Variants in ART3 observed in about 807,000 individuals in gnomAD.
ART3 encodes ADP-ribosyltransferase 3 (inactive).
Under a neutral mutation model 48.5 loss-of-function variants are expected in ART3, and 49 were observed. The ratio of observed to expected loss-of-function variants is 1.01; its 90% CI spans 0.80 to 1.28. The LOEUF (loss-of-function observed/expected upper bound fraction) is 1.28. Ranked by LOEUF, ART3 falls within the 50% of genes most tolerant of loss-of-function variation. The pLI is 0.00. For synonymous variants in ART3, 145 were observed against 157.2 expected, an observed-to-expected ratio of 0.92 and a Z score of 0.58; for missense variants, 438 against 454.3, an observed-to-expected ratio of 0.96 and a Z score of 0.33.
intron 3 of ART3, among the ~76,000 whole-genome samples, chr4:76,096,854 T>A (rs1726124187): frequency 6.6e-6 from 1 of 152,204 alleles, no homozygotes; most frequent in Non-Finnish European, 1.5e-5. Context: ...TTTATATGAA[T>A]GTGAAGGATC....
At chr4:76,050,298 G>T (rs1387388521) in intron 1 of ART3, among the ~76,000 whole-genome samples, 1 of 152,076 alleles carries the variant, frequency 6.6e-6, no homozygotes, top group Non-Finnish European at 1.5e-5. Context: ...TTTTGACAGG[G>T]CGCTGATAGG....
chr4:76,082,334 G>A lies in ART3; in HGVS notation c.580G>A (p.Ala194Thr). ...TLAYSAKPQAANDQLTVLSIY... is the reference protein window; with the variant it reads ...TLAYSAKPQATNDQLTVLSIY... ...GGCATATTCAGCCAAACCTCAGGCTGCTAATGACCAGCTCACTGTGTTATC... is the reference window on the plus strand; with the variant it reads ...GGCATATTCAGCCAAACCTCAGGCTACTAATGACCAGCTCACTGTGTTATC... Residue 194 changes from alanine to threonine, a missense_variant, in exon 3 of 12, where the codon GCT becomes ACT. Transcript: ENST00000355810. The A allele has an allele frequency of 1.9e-6, 3 of 1,613,986 alleles. No individual in the cohort carries two copies. The South Asian group carries it at 3.3e-5, about 18-fold the overall frequency.
chr4:76,032,944 T>A (rs1160243852), intron 1 of ART3, among the ~76,000 whole-genome samples: 3 of 151,946 alleles, frequency 2.0e-5, no homozygotes, highest in African/African-American at 2.4e-5. Flanking sequence ...TCTATATAGA[T>A]ATTTATATAG....
At chr4:76,072,494 C>T (rs1056755188), upstream of ART3, among the ~76,000 whole-genome samples, 3 of 152,000 alleles carry the variant, frequency 2.0e-5, no homozygotes, top group Admixed American at 1.3e-4. Context: ...CTTCTCATTA[C>T]GTTTAATGCT....
chr4:76,026,245 G>GTCT, intron 1 of ART3, among the ~76,000 whole-genome samples: 1 of 151,890 alleles, frequency 6.6e-6, no homozygotes, highest in East Asian at 1.9e-4. Flanking sequence ...AAGCAGACAT[G>GTCT]ACTTTAATTC....
rs117973849 is a variant in ART3, at chr4:76,109,322, A to G, written c.1036+1529A>G. ...CATTAGCCTAGGCCTATACAGGGTC[A>G]GGATCATCAATATCACTGTCTTGCA... On this transcript the variant is annotated intron_variant, in intron 11 of 11. Coordinates refer to ENST00000355810, the MANE Select transcript of ART3 (RefSeq NM_001130016.3). Among the ~76,000 whole-genome samples, 116 of 152,198 alleles carry G rather than the reference A, an allele frequency of 7.6e-4. No homozygotes were observed. The East Asian group carries it at 0.022, about 28-fold the overall frequency.
At chr4:76,085,547 A>G (rs1723365283) in intron 3 of ART3, among the ~76,000 whole-genome samples, 1 of 152,180 alleles carries the variant, frequency 6.6e-6, no homozygotes, top group South Asian at 2.1e-4. Context: ...TCTGAGTTGC[A>G]CCTGAGAAGG....
chr4:76,088,046 T>G (rs1204795208), intron 3 of ART3, among the ~76,000 whole-genome samples: 1 of 152,038 alleles, frequency 6.6e-6, no homozygotes, highest in East Asian at 1.9e-4. Flanking sequence ...CTGGGCAACA[T>G]AATGAGACAC....
At chr4:76,086,322 G>T (rs1203665512) in intron 3 of ART3, among the ~76,000 whole-genome samples, 2 of 152,160 alleles carry the variant, frequency 1.3e-5, no homozygotes, top group African/African-American at 4.8e-5. Flanking sequence ...TCTGCCATTT[G>T]CCACAACATG....
intron 1 of ART3, among the ~76,000 whole-genome samples, chr4:76,027,546 G>C (rs1180133949): frequency 1.5e-5 from 2 of 132,536 alleles, no homozygotes; most frequent in Non-Finnish European, 3.2e-5. Flanking sequence ...ATAATGCCGT[G>C]TTAGGATTCT....
chr4:76,049,854 C>T (rs905736677), intron 1 of ART3, among the ~76,000 whole-genome samples: 14 of 152,064 alleles, frequency 9.2e-5, no homozygotes, highest in Admixed American at 4.6e-4. Flanking sequence ...CGGACCCTCA[C>T]GGTGAGTGTT....
chr4:76,098,894 C>A, intron 4 of ART3, 61 bp from the exon 5 acceptor site: 1 of 1,369,398 alleles, frequency 7.3e-7, no homozygotes, highest in Non-Finnish European at 1.0e-6. Context: ...TAAAAATAGA[C>A]TGATCCTGAC....
intron 1 of ART3, among the ~76,000 whole-genome samples, chr4:76,020,052 ATCT>A (rs1732637625): frequency 6.6e-6 from 1 of 151,204 alleles, no homozygotes; most frequent in Non-Finnish European, 1.5e-5. Context: ...GAGGTTGAAC[ATCT>A]TTGTATGTTA....
At chr4:76,031,673 C>G (rs1288732115) in intron 1 of ART3, among the ~76,000 whole-genome samples, 1 of 152,230 alleles carries the variant, frequency 6.6e-6, no homozygotes, top group East Asian at 1.9e-4. Context: ...ATACTTCCTA[C>G]TACTGTACAT....
intron 5 of ART3, among the ~76,000 whole-genome samples, chr4:76,100,012 C>G (rs912604054): frequency 1.3e-5 from 2 of 152,206 alleles, no homozygotes; most frequent in Non-Finnish European, 2.9e-5. Flanking sequence ...CTTTAGCTGA[C>G]TCTTCAACAA....
intron 1 of ART3, among the ~76,000 whole-genome samples, chr4:76,045,279 A>G (rs1735391426): frequency 6.6e-6 from 1 of 152,062 alleles, no homozygotes; most frequent in Non-Finnish European, 1.5e-5. Flanking sequence ...TTGGTTCCCC[A>G]TCCTCTGGGA....
rs574174668 is a variant in ART3 at position 76,043,282 on chromosome 4, T to C, written c.-10+31962T>C. Among the ~76,000 whole-genome samples the C allele has an allele frequency of 1.4e-4, 22 of 152,110 alleles. No individual in the cohort carries two copies. In the South Asian group the frequency reaches 3.7e-3, roughly 26 times the overall value. Reference sequence around the variant, plus strand: ...AGGTGGAGCTGCCTGCCAGTCCCGGTGCTGTGTGCCCACACTCCTCAGCCC... The same window carrying C: ...AGGTGGAGCTGCCTGCCAGTCCCGGCGCTGTGTGCCCACACTCCTCAGCCC... On this transcript the variant is annotated intron_variant, in intron 1 of 9. Transcript: ENST00000341029.
chr4:76,075,828 C>A, intron 1 of ART3, 53 bp from the exon 2 acceptor site: 1 of 1,400,092 alleles, frequency 7.1e-7, no homozygotes. Context: ...ATTCTACTTC[C>A]CTACACCTCT....
intron 1 of ART3, among the ~76,000 whole-genome samples, chr4:76,013,437 A>G (rs752756835): frequency 7.9e-5 from 12 of 151,422 alleles, no homozygotes; most frequent in Admixed American, 2.0e-4. Flanking sequence ...TTATATATAC[A>G]CACACACACA....
Sources: allele counts gnomAD v4.1 joint callset (sites outside exome capture counted in the v4.1 genomes callset), GRCh38; gene constraint gnomAD v4.1.1; transcripts MANE v1.5; gene names NCBI Gene and HGNC (gene_info 2026-07-23, HGNC 2026-07-21).